Variants in KCNMB2 observed in about 807,000 individuals in gnomAD.
The protein encoded by KCNMB2 is potassium calcium-activated channel subfamily M regulatory beta subunit 2, also known as calcium-activated potassium channel subunit beta-2.
In KCNMB2, 9 loss-of-function variants were observed where a neutral mutation model predicts 24.5. The ratio of observed to expected loss-of-function variants is 0.37; its 90% CI spans 0.22 to 0.64. The LOEUF (loss-of-function observed/expected upper bound fraction) is 0.64, where lower values mean the gene tolerates loss of function less well. KCNMB2 is among the 30% of genes least tolerant of loss of function. The pLI is 0.63. For synonymous variants in KCNMB2, 109 were observed against 104.4 expected, an observed-to-expected ratio of 1.04 and a Z score of -0.27; for missense variants, 226 against 284.3, an observed-to-expected ratio of 0.79 and a Z score of 1.47.
chr3:178,684,681 G>T (rs1375308657), intron 1 of KCNMB2, among the ~76,000 whole-genome samples: 1 of 151,772 alleles, frequency 6.6e-6, no homozygotes, highest in Non-Finnish European at 1.5e-5. Context: ...TACAAAAAAA[G>T]TTAGCTGGGT....
At chr3:178,664,649 C>T (rs1173983136) in intron 1 of KCNMB2, among the ~76,000 whole-genome samples, 1 of 151,804 alleles carries the variant, frequency 6.6e-6, no homozygotes, top group East Asian at 1.9e-4. Flanking sequence ...TTTTCTACAT[C>T]TCTTTTTATA....
intron 1 of KCNMB2, among the ~76,000 whole-genome samples, chr3:178,695,339 T>C (rs1348569732): frequency 6.6e-6 from 1 of 152,248 alleles, no homozygotes; most frequent in African/African-American, 2.4e-5. Flanking sequence ...GTCTCTGACA[T>C]ATCCTGGAGA....
Position 178,553,724 on chromosome 3 carries a change from G to A in KCNMB2, c.-68+17013G>A, listed in dbSNP as rs564926914. On this transcript the variant is annotated intron_variant, in intron 1 of 4. Transcript: ENST00000452583. ...CCAGATAATTTTTGTATTTTTAGTA[G>A]AGATGGGGTTTCACCATGTTGGCCA... 1.9e-4 allele frequency among the ~76,000 whole-genome samples: 29 copies of A among 152,160 alleles called. 1 individual carries two copies. The highest frequency in any genetic ancestry group is 6.3e-4 in the African/African-American group (26 of 41,514).
intron 1 of KCNMB2, among the ~76,000 whole-genome samples, chr3:178,682,196 GTTAC>G (rs1721293804): frequency 6.6e-6 from 1 of 152,174 alleles, no homozygotes; most frequent in South Asian, 2.1e-4. Flanking sequence ...TTTGGGAAAT[GTTAC>G]TTACTATTGC....
intron 1 of KCNMB2, among the ~76,000 whole-genome samples, chr3:178,594,671 G>A (rs566605129): frequency 1.3e-5 from 2 of 152,166 alleles, no homozygotes; most frequent in South Asian, 4.1e-4. Flanking sequence ...GGATGTTTTA[G>A]TCTGGAATTC....
intron 2 of KCNMB2, among the ~76,000 whole-genome samples, chr3:178,812,446 T>C (rs1714232653): frequency 6.9e-6 from 1 of 144,710 alleles, no homozygotes; most frequent in African/African-American, 2.6e-5. Flanking sequence ...GTCCATGTGT[T>C]CTCATTGTTC....
intron 1 of KCNMB2, among the ~76,000 whole-genome samples, chr3:178,679,059 T>TTTTTTTTTG (rs1553833855): frequency 1.5e-4 from 23 of 148,544 alleles, no homozygotes; most frequent in African/African-American, 2.8e-4. Flanking sequence ...TTTGTTTTTG[T>TTTTTTTTTG]TTTTTTTATT....
intron 2 of KCNMB2, among the ~76,000 whole-genome samples, chr3:178,813,980 T>TTGC: frequency 7.8e-6 from 1 of 127,960 alleles, no homozygotes; most frequent in East Asian, 1.9e-4. Flanking sequence ...GTTGTTGTTG[T>TTGC]TGTTGCTGCT....
intron 1 of KCNMB2, among the ~76,000 whole-genome samples, chr3:178,738,014 G>C (rs1369312586): frequency 1.3e-5 from 2 of 152,236 alleles, no homozygotes; most frequent in Non-Finnish European, 2.9e-5. Context: ...CGACCCAAGA[G>C]ATCAGAAGGT....
chr3:178,628,647 A>G (rs574385877), intron 1 of KCNMB2, among the ~76,000 whole-genome samples: 3 of 152,268 alleles, frequency 2.0e-5, no homozygotes, highest in Admixed American at 2.0e-4. Context: ...TGCCACTGCA[A>G]AAGACCCTCT....
rs1446455061 is a variant in KCNMB2, at chr3:178,774,695, GA to G, written c.-67-32645del. Reference sequence around the variant, plus strand: ...AAGGCAAAAGCGTTAGGCTTGCCAAGAAACACTTCTACTTCCTTGTTCCCCA... The same window carrying G: ...AAGGCAAAAGCGTTAGGCTTGCCAAGAACACTTCTACTTCCTTGTTCCCCA... On this transcript the variant is annotated intron_variant, in intron 1 of 4. Coordinates refer to ENST00000452583, the MANE Select transcript of KCNMB2 (RefSeq NM_181361.3). Among the ~76,000 whole-genome samples, 12 of 152,308 alleles carry G rather than the reference GA, an allele frequency of 7.9e-5. No individual in the cohort carries two copies. The East Asian group carries it at 2.1e-3, about 27-fold the overall frequency.
intron 2 of KCNMB2, among the ~76,000 whole-genome samples, chr3:178,819,044 C>A (rs916263366): frequency 6.6e-6 from 1 of 152,224 alleles, no homozygotes; most frequent in South Asian, 2.1e-4. Context: ...TCCTAAACCA[C>A]CTTTGAGCTT....
intron 1 of KCNMB2, among the ~76,000 whole-genome samples, chr3:178,561,649 A>G (rs559525429): frequency 6.6e-6 from 1 of 152,334 alleles, no homozygotes; most frequent in East Asian, 1.9e-4. Flanking sequence ...TGCTCACTTC[A>G]CAATTTTTTA....
At chr3:178,698,960 C>T (rs1428024898) in intron 1 of KCNMB2, among the ~76,000 whole-genome samples, 1 of 152,232 alleles carries the variant, frequency 6.6e-6, no homozygotes, top group Non-Finnish European at 1.5e-5. Flanking sequence ...TATTATCTGG[C>T]TCTTCAAGGT....
At chr3:178,713,793 G>A (rs1645201287) in intron 1 of KCNMB2, among the ~76,000 whole-genome samples, 2 of 152,148 alleles carry the variant, frequency 1.3e-5, no homozygotes, top group African/African-American at 4.8e-5. Flanking sequence ...AATGAATGGA[G>A]GCCCTTGGAG....
At chr3:178,702,282 T>G (rs1577110025) in intron 1 of KCNMB2, among the ~76,000 whole-genome samples, 2 of 85,250 alleles carry the variant, frequency 2.3e-5, no homozygotes, top group South Asian at 4.8e-4. Flanking sequence ...GGGCCTGTTG[T>G]GGGGTGGGGG....
At chr3:178,837,210 G>A (rs935216433) in intron 4 of KCNMB2, among the ~76,000 whole-genome samples, 1 of 152,160 alleles carries the variant, frequency 6.6e-6, no homozygotes, top group Non-Finnish European at 1.5e-5. Flanking sequence ...TGTGATGCTT[G>A]ATTGACGACT....
chr3:178,675,874 C>A (rs1465565304), intron 1 of KCNMB2, among the ~76,000 whole-genome samples: 1 of 152,178 alleles, frequency 6.6e-6, no homozygotes, highest in Non-Finnish European at 1.5e-5. Flanking sequence ...GTGCAATAAC[C>A]TTAATAATAT....
At chr3:178,607,557 C>A (rs1718319078) in intron 1 of KCNMB2, among the ~76,000 whole-genome samples, 1 of 151,738 alleles carries the variant, frequency 6.6e-6, no homozygotes, top group Admixed American at 6.6e-5. Context: ...ACAGGATTGC[C>A]AAGGTAGTGA....
Sources: gnomAD v4.1 joint callset for allele counts (sites outside exome capture counted in the v4.1 genomes callset) on GRCh38, gnomAD v4.1.1 for gene constraint, MANE v1.5 for transcripts, NCBI Gene and HGNC (gene_info 2026-07-23, HGNC 2026-07-21) for gene names.